Variants in TOMM6 observed in about 807,000 individuals in gnomAD.
TOMM6 encodes the protein mitochondrial import receptor subunit TOM6 homolog.
A neutral mutation model predicts 6.0 loss-of-function variants in TOMM6; 6 were observed. That is an observed-to-expected ratio of 1.00 (90% confidence interval 0.55 to 1.98). The LOEUF (loss-of-function observed/expected upper bound fraction) is 1.98, where lower values mean the gene tolerates loss of function less well. Ranked by LOEUF, TOMM6 falls within the 30% of genes most tolerant of loss-of-function variation. The probability of loss-of-function intolerance (pLI) is 0.00; values close to 1 mark genes in which losing one functional copy is unlikely to be tolerated. For synonymous variants in TOMM6, 44 were observed against 36.3 expected (o/e 1.21, Z -0.76); for missense variants, 104 against 95.3 (o/e 1.09, Z -0.38).
intron 1 of TOMM6, among the ~76,000 whole-genome samples, chr6:41,788,610 G>A (rs1772731957): frequency 6.8e-6 from 1 of 147,926 alleles, no homozygotes; most frequent in South Asian, 2.1e-4. Flanking sequence ...GCGCCACCAC[G>A]CCCAGCTAAT....
At chr6:41,787,906 G>GT in intron 1 of TOMM6, 81 bp downstream of exon 1, 1 of 1,511,664 alleles carries the variant, frequency 6.6e-7, no homozygotes, top group Non-Finnish European at 8.9e-7. Context: ...GCGCCTCAGG[G>GT]TTTTTTGTTT....
intron 1 of TOMM6, among the ~76,000 whole-genome samples, chr6:41,788,691 T>C (rs1370276341): frequency 6.7e-6 from 1 of 149,150 alleles, no homozygotes; most frequent in Non-Finnish European, 1.5e-5. Context: ...GACTTCTCGA[T>C]CCACCCGACT....
At chr6:41,789,056 TAC>T (rs1491021042) in intron 1 of TOMM6, among the ~76,000 whole-genome samples, 174 bp from the exon 2 acceptor site, 1 of 152,182 alleles carries the variant, frequency 6.6e-6, no homozygotes, top group East Asian at 1.9e-4. Context: ...ACCTTACACT[TAC>T]TAGGCACAAA....
At chr6:41,788,627 A>G (rs1772732372) in intron 1 of TOMM6, among the ~76,000 whole-genome samples, 1 of 144,482 alleles carries the variant, frequency 6.9e-6, no homozygotes, top group African/African-American at 2.6e-5. Context: ...TAATTTTTGT[A>G]TTTTTAGTAG....
chr6:41,789,493 A>T (rs1641652168), intron 2 of TOMM6, 75 bp from the exon 3 acceptor site: 1 of 620,480 alleles, frequency 1.6e-6, no homozygotes, highest in Non-Finnish European at 2.8e-6. Flanking sequence ...AAAGGGATTT[A>T]AGTATCTCTT....
In TOMM6 at chr6:41,789,226, T is replaced by C. The variant is rs1380699187; in HGVS notation, c.129-6T>C. ...ACAGGGTTAATAAAACACATTGTTT[T>C]TCCAGGAACTTGATACTAAATTTGG... On this transcript the variant is annotated splice_region_variant and splice_polypyrimidine_tract_variant and intron_variant, in intron 1 of 2. Coordinates refer to ENST00000398881, the MANE Select transcript of TOMM6 (RefSeq NM_001382294.1). 2.6e-6 allele frequency: 4 copies of C among 1,550,142 alleles called. No homozygotes were observed. Among genetic ancestry groups the C allele is most frequent in the African/African-American group, 1.4e-5 (1 of 73,106 alleles).
chr6:41,789,401 C>T (rs1772753462), intron 2 of TOMM6, 65 bp downstream of exon 2: 1 of 1,156,210 alleles, frequency 8.6e-7, no homozygotes. Context: ...GCAATGTTTT[C>T]TGTCAAGTAT....
rs1200332668 is a variant in TOMM6, at chr6:41,787,866, A to G, written c.128+41A>G. The stretch of plus-strand genomic sequence containing the variant: ...GAACTTGGTCCTTTTCTGGCCCTTA[A>G]ATCCGTATTTCCCCTTTCTTGCGAG... On this transcript the variant is annotated intron_variant, in intron 1 of 2. Transcript: ENST00000398881. 12 of 1,547,164 alleles carry G rather than the reference A, an allele frequency of 7.8e-6. No individual in the cohort carries two copies. In the South Asian group the frequency reaches 1.3e-4, roughly 17 times the overall value.
chr6:41,787,907 T>C (rs1772706807), intron 1 of TOMM6, 82 bp downstream of exon 1: 2 of 1,509,524 alleles, frequency 1.3e-6, no homozygotes, highest in South Asian at 1.3e-5. Flanking sequence ...CGCCTCAGGG[T>C]TTTTTGTTTT....
intron 1 of TOMM6, 77 bp downstream of exon 1, chr6:41,787,902 C>T (rs1772706394): frequency 5.9e-6 from 9 of 1,521,144 alleles, no homozygotes; most frequent in Non-Finnish European, 6.2e-6. Context: ...GCTGGCGCCT[C>T]AGGGTTTTTT....
In TOMM6 at chr6:41,787,807, A is replaced by G; in HGVS notation, c.110A>G (p.Asp37Gly). 6.4e-7 allele frequency: 1 copy of G among 1,551,710 alleles called. No homozygotes were observed. The highest frequency in any genetic ancestry group is 1.2e-5 in the South Asian group (1 of 84,070). Residue 37 changes from aspartate (D) to glycine (G), a missense_variant, in exon 1 of 3, where the codon GAT becomes GGT. By Grantham distance (94) the Asp-to-Gly change is moderately conservative. Coordinates refer to ENST00000398881, the MANE Select transcript of TOMM6 (RefSeq NM_001382294.1). ...CGGGGCGTCTACCGCTTTGCCACTGATAGGAATGACTTCCGGAGGTAACCG... is the reference window on the plus strand; with the variant it reads ...CGGGGCGTCTACCGCTTTGCCACTGGTAGGAATGACTTCCGGAGGTAACCG... ...WLRGVYRFAT[D>G]RNDFRRNLIL...
Position 41,789,181 on chromosome 6 carries a change from G to A in TOMM6, c.129-51G>A, listed in dbSNP as rs1581982699. ...TTCCCCCCAGTACATTTCGTTAACT[G>A]TACAACTGACTCAGTGACCACAGGG... On this transcript the variant is annotated intron_variant, in intron 1 of 2. Transcript: ENST00000398881. The A allele has an allele frequency of 4.0e-6, 6 of 1,501,686 alleles. No individual in the cohort carries two copies. In the East Asian group the frequency reaches 1.2e-4, roughly 31 times the overall value. 93.0% of individuals were successfully genotyped at this position (1,501,686 alleles called of 1,614,324 possible).
intron 1 of TOMM6, among the ~76,000 whole-genome samples, chr6:41,788,115 G>C (rs572408796): frequency 1.8e-4 from 28 of 151,756 alleles, no homozygotes; most frequent in Admixed American, 1.6e-3. Context: ...GCTTTAGCTG[G>C]GCTTTGCGTT....
intron 1 of TOMM6, among the ~76,000 whole-genome samples, chr6:41,788,134 C>T (rs1004295000): frequency 3.3e-5 from 4 of 121,418 alleles, no homozygotes; most frequent in African/African-American, 1.2e-4. Context: ...TTTGATCTTA[C>T]ATTTCTTTTT....
intron 1 of TOMM6, among the ~76,000 whole-genome samples, chr6:41,788,443 CTTTTTTTTTTTTT>C (rs70987535): frequency 5.7e-4 from 22 of 38,294 alleles, no homozygotes; most frequent in South Asian, 2.6e-3. Context: ...CACGCCCGGC[CTTTTTTTTTTTTT>C]TTTTTTTTTT....
chr6:41,789,439 T>A, intron 2 of TOMM6, 103 bp downstream of exon 2: 1 of 875,010 alleles, frequency 1.1e-6, no homozygotes, highest in Non-Finnish European at 1.8e-6. Flanking sequence ...GAATGTGATG[T>A]AAAACCCTTA....
rs1772750835 is a variant in TOMM6 at position 41,789,309 on chromosome 6, C to T, written c.206C>T (p.Ala69Val). ...AACTTGAGTGACATTGACCTCATGG[C>T]ACCTCAGCCAGGGGTGTAGCCAAGT... ...ARNLSDIDLM[A>V]PQPGV Residue 69 changes from alanine (A) to valine (V), a missense_variant, in exon 2 of 3, where the codon GCA becomes GTA. Physicochemically the swap from Ala to Val is moderately conservative, Grantham distance 64. Transcript: ENST00000398881. 6.4e-7 allele frequency: 1 copy of T among 1,551,594 alleles called. No homozygotes were observed. The highest frequency in any genetic ancestry group is 8.7e-7 in the Non-Finnish European group (1 of 1,146,998).
chr6:41,789,374 C>T (rs1276924950), intron 2 of TOMM6, 38 bp downstream of exon 2: 1 of 1,415,540 alleles, frequency 7.1e-7, no homozygotes, highest in Non-Finnish European at 9.8e-7. Context: ...TCTTAGGAGA[C>T]CTAGAGACTG....
At chr6:41,787,931 T>G in intron 1 of TOMM6, 106 bp downstream of exon 1, 1 of 1,442,472 alleles carries the variant, frequency 6.9e-7, no homozygotes, top group Non-Finnish European at 9.3e-7. Context: ...TTTTTAACAT[T>G]ACCAGCATTG....
Sources: gnomAD v4.1 joint callset for allele counts (sites outside exome capture counted in the v4.1 genomes callset) on GRCh38, gnomAD v4.1.1 for gene constraint, MANE v1.5 for transcripts, NCBI Gene and HGNC (gene_info 2026-07-23, HGNC 2026-07-21) for gene names.